The following HNRNPL variants were observed in gnomAD, a reference collection of about 807,000 sequenced individuals.
HNRNPL encodes epididymis secretory sperm binding protein.
Under a neutral mutation model 64.0 loss-of-function variants are expected in HNRNPL, and 12 were observed. The observed-to-expected ratio is 0.19, with a 90% CI of 0.12 to 0.30. The LOEUF is 0.30. Ranked by LOEUF, HNRNPL falls within the 10% of genes least tolerant of loss-of-function variation. HNRNPL has a pLI of 1.00. For missense variants in HNRNPL, 484 were observed against 797.4 expected, an observed-to-expected ratio of 0.61 and a Z score of 4.73; for synonymous variants, 385 against 313.0, an observed-to-expected ratio of 1.23 and a Z score of -2.43.
intron 6 of HNRNPL, chr19:38,841,128 A>T (rs561379430): frequency 4.7e-6 from 1 of 212,434 alleles, no homozygotes; most frequent in Non-Finnish European, 9.6e-6. Context: ...GCAGGGCAAC[A>T]GCAGAATCAG....
rs1971964935 is a variant in HNRNPL, at chr19:38,837,408, TCAGGAAGCC to T, written c.1678_1686del (p.Gly560_Leu562del). 1 of 1,614,036 alleles carries T rather than the reference TCAGGAAGCC, an allele frequency of 6.2e-7. No homozygotes were observed. On this transcript the variant is annotated inframe_deletion, in exon 12 of 13. Coordinates refer to ENST00000221419, the MANE Select transcript of HNRNPL (RefSeq NM_001533.3). ...CTTGGGTTTTTCATCTGGTAATGGT[TCAGGAAGCC>T]CAGAGTCTCCAGGGCATCGCTCTTG...
Position 38,837,662 on chromosome 19 carries a change from A to G in HNRNPL, c.1558-11T>C, listed in dbSNP as rs1313093585. 6.2e-7 allele frequency: 1 copy of G among 1,613,938 alleles called. No homozygotes were observed. Among genetic ancestry groups the G allele is most frequent in the Admixed American group, 1.7e-5 (1 of 60,024 alleles). On this transcript the variant is annotated splice_polypyrimidine_tract_variant and intron_variant, in intron 10 of 12. Transcript: ENST00000221419. ...CAGCTCATCGCAGATCTGCAAAAGAAAACAGGTAGTAAATGAACTCTGAAA... is the reference window on the plus strand; with the variant it reads ...CAGCTCATCGCAGATCTGCAAAAGAGAACAGGTAGTAAATGAACTCTGAAA...
chr19:38,838,878 G>T lies in HNRNPL; in HGVS notation c.1355+16C>A. 7.4e-6 allele frequency: 12 copies of T among 1,613,894 alleles called. No homozygotes were observed. The highest frequency in any genetic ancestry group is 1.3e-5 in the African/African-American group (1 of 74,978). On this transcript the variant is annotated intron_variant, in intron 9 of 12. Coordinates refer to ENST00000221419, the MANE Select transcript of HNRNPL (RefSeq NM_001533.3). ...TCCCCTGTACCTCTGCTGCCCTCCC[G>T]AGCCTGAGCACCTACCAGACATTCA...
At chr19:38,837,740 A>C in intron 10 of HNRNPL, 89 bp from the exon 11 acceptor site, 1 of 1,135,858 alleles carries the variant, frequency 8.8e-7, no homozygotes. Flanking sequence ...ATGACTCAGT[A>C]CTTGAAGTTT....
intron 10 of HNRNPL, 113 bp downstream of exon 10, chr19:38,838,284 G>A (rs1971995381): frequency 3.6e-6 from 3 of 833,894 alleles, no homozygotes; most frequent in Middle Eastern, 2.3e-4. Context: ...ACTCAACCCA[G>A]GGCCAGGCAG....
At chr19:38,842,740 GTTT>G (rs1018264311) in intron 6 of HNRNPL, among the ~76,000 whole-genome samples, 2 of 150,808 alleles carry the variant, frequency 1.3e-5, no homozygotes, top group African/African-American at 2.4e-5. Flanking sequence ...ATCAGCCCTC[GTTT>G]TTTTTTGGGC....
intron 1 of HNRNPL, among the ~76,000 whole-genome samples, chr19:38,847,992 G>C (rs1204767824): frequency 6.6e-6 from 1 of 152,138 alleles, no homozygotes; most frequent in Non-Finnish European, 1.5e-5. Context: ...GGGGCAGCCA[G>C]GCCAGTCTTG....
Position 38,845,791 on chromosome 19 carries a change from G to C in HNRNPL, c.625-56C>G, listed in dbSNP as rs949813402. 164 of 1,598,656 alleles carry C rather than the reference G, an allele frequency of 1.0e-4. 1 individual carries two copies. The highest frequency in any genetic ancestry group is 1.4e-4 in the Non-Finnish European group (158 of 1,166,078). The stretch of plus-strand genomic sequence containing the variant: ...GGCACTGGCAGATCAGTCTGGCTTG[G>C]GGGAGGGAATAAGGGGAGAAAAGGA... On this transcript the variant is annotated intron_variant, in intron 3 of 12. Coordinates refer to ENST00000221419, the MANE Select transcript of HNRNPL (RefSeq NM_001533.3).
intron 4 of HNRNPL, chr19:38,845,262 T>C (rs1433903413): frequency 1.1e-5 from 2 of 174,866 alleles, no homozygotes; most frequent in African/African-American, 2.4e-5. Context: ...ATAATCCTAC[T>C]AGGAAGGCTG....
intron 10 of HNRNPL, 55 bp from the exon 11 acceptor site, chr19:38,837,706 G>A (rs1324138005): frequency 6.6e-7 from 1 of 1,512,594 alleles, no homozygotes; most frequent in African/African-American, 1.4e-5. Context: ...CCGCCACACA[G>A]GATTCAAGCA....
At chr19:38,839,392 G>C (rs1057112618) in intron 8 of HNRNPL, 2 of 211,414 alleles carry the variant, frequency 9.5e-6, no homozygotes, top group East Asian at 2.5e-4. Context: ...GGTTACAACA[G>C]AGCAGTGCCG....
At position 38,849,986 on chromosome 19, in the gene HNRNPL, C is replaced by T. The variant is rs966982349; in HGVS notation, c.-20G>A. 1.4e-5 allele frequency: 19 copies of T among 1,322,202 alleles called. No homozygotes were observed. Among genetic ancestry groups the T allele is most frequent in the Admixed American group, 4.0e-5 (1 of 25,112 alleles). The allele number at this position is 1,322,202 out of a possible 1,614,324, so 81.9% of individuals were successfully genotyped here. A position where few individuals can be genotyped will look rare whatever the true frequency, so the allele number is the denominator to read the frequency against. On this transcript the variant is annotated 5_prime_UTR_variant, in exon 1 of 13. Transcript: ENST00000221419. ...CGACATGGCGGCGCAGAACCCGCCT[C>T]CCCCCGCCTCTCATTGGGGGAGGGA...
At chr19:38,846,139 G>A in intron 2 of HNRNPL, 49 bp from the exon 3 acceptor site, 1 of 1,362,986 alleles carries the variant, frequency 7.3e-7, no homozygotes. Flanking sequence ...ATGTAGACAG[G>A]AGGAGGGTAT....
chr19:38,840,456 G>C (rs1436344170), intron 7 of HNRNPL, 32 bp downstream of exon 7: 4 of 1,570,124 alleles, frequency 2.5e-6, no homozygotes, highest in Middle Eastern at 1.8e-4. Flanking sequence ...ATGAGCCACG[G>C]GAGTCCACGG....
chr19:38,837,330 C>T (rs1168503740), intron 12 of HNRNPL, 54 bp downstream of exon 12: 8 of 1,444,350 alleles, frequency 5.5e-6, no homozygotes, highest in Non-Finnish European at 7.8e-6. Flanking sequence ...GGCCTGAAGC[C>T]AGCCAACCCA....
In HNRNPL at chr19:38,849,564, C is replaced by A. The variant is rs1753258608; in HGVS notation, c.267+136G>T. 5 of 1,178,690 alleles carry A rather than the reference C, an allele frequency of 4.2e-6. No individual in the cohort carries two copies. The South Asian group carries it at 1.4e-4, about 33-fold the overall frequency. The allele number at this position is 1,178,690 out of a possible 1,614,324, so 73.0% of individuals were successfully genotyped here. A position where few individuals can be genotyped will look rare whatever the true frequency, so the allele number is the denominator to read the frequency against. On this transcript the variant is annotated intron_variant, in intron 1 of 12. Transcript: ENST00000221419. ...AACCCCGCCGTTTGCCCAACGGCCG[C>A]CCCTCCCCCACACCGTCAACGACGC...
intron 1 of HNRNPL, chr19:38,849,237 A>T (rs1972411257): frequency 5.9e-6 from 1 of 170,096 alleles, no homozygotes; most frequent in Non-Finnish European, 1.2e-5. Flanking sequence ...TGGGCCTTAG[A>T]GATTAAGCTG....
chr19:38,845,746 A>G lies in HNRNPL; in HGVS notation c.625-11T>C. ...AGTGTAAAGAACATCCTGCAAAAGC[A>G]AACACAGGCAAGATGAAGGGGCACT... is the stretch of plus-strand genomic sequence containing the variant. On this transcript the variant is annotated splice_polypyrimidine_tract_variant and intron_variant, in intron 3 of 12. Transcript: ENST00000221419. The G allele has an allele frequency of 2.5e-6, 4 of 1,612,560 alleles. No homozygotes were observed. The highest frequency in any genetic ancestry group is 2.5e-6 in the Non-Finnish European group (3 of 1,178,538).
intron 4 of HNRNPL, 70 bp from the exon 5 acceptor site, chr19:38,844,174 GA>G: frequency 1.0e-6 from 1 of 976,438 alleles, no homozygotes. Context: ...CCCAGAGTGT[GA>G]TAAGGACAAG....
Sources: allele counts gnomAD v4.1 joint callset (sites outside exome capture counted in the v4.1 genomes callset), GRCh38; gene constraint gnomAD v4.1.1; transcripts MANE v1.5; gene names NCBI Gene and HGNC (gene_info 2026-07-23, HGNC 2026-07-21).